Variants in FBXL2 observed in about 807,000 individuals in gnomAD.
FBXL2 encodes F-box and leucine rich repeat protein 2, also known as F-box/LRR-repeat protein 2.
FBXL2 carries 38 observed loss-of-function variants against 69.2 expected under a neutral mutation model. The observed-to-expected ratio is 0.55, with a 90% CI of 0.42 to 0.72. The LOEUF (loss-of-function observed/expected upper bound fraction) is 0.72, where lower values mean the gene tolerates loss of function less well. Among genes scored for constraint, FBXL2 ranks in the 30% least tolerant of loss-of-function variants. FBXL2 has a pLI of 0.00. For synonymous variants in FBXL2, 192 were observed against 201.3 expected (o/e 0.95, Z 0.39); for missense variants, 354 against 520.3 (o/e 0.68, Z 3.11).
chr3:33,340,635 T>C (rs2039945968), intron 2 of FBXL2, among the ~76,000 whole-genome samples: 1 of 146,866 alleles, frequency 6.8e-6, no homozygotes, highest in Non-Finnish European at 1.5e-5. Flanking sequence ...CTCATGTCTG[T>C]AATCCTACCA....
chr3:33,286,004 A>T (rs558179327), intron 1 of FBXL2, among the ~76,000 whole-genome samples: 1 of 152,262 alleles, frequency 6.6e-6, no homozygotes, highest in Non-Finnish European at 1.5e-5. Flanking sequence ...AGCTTGGAGA[A>T]GTTTGTTATT....
intron 2 of FBXL2, among the ~76,000 whole-genome samples, chr3:33,327,374 A>G (rs181487558): frequency 6.6e-6 from 1 of 152,116 alleles, no homozygotes; most frequent in Admixed American, 6.5e-5. Flanking sequence ...TCTTTCCTCT[A>G]TACGTTATTG....
At chr3:33,315,323 A>T (rs1430633765) in intron 2 of FBXL2, among the ~76,000 whole-genome samples, 14 of 92,092 alleles carry the variant, frequency 1.5e-4, no homozygotes, top group South Asian at 6.4e-4. Context: ...TCTCTCTCTT[A>T]CTTTCTTTCT....
At chr3:33,341,927 A>G (rs978967672) in intron 2 of FBXL2, among the ~76,000 whole-genome samples, 1 of 150,800 alleles carries the variant, frequency 6.6e-6, no homozygotes, top group African/African-American at 2.4e-5. Flanking sequence ...AGGTGTTATA[A>G]TAAGATGTTT....
intron 12 of FBXL2, chr3:33,397,023 A>G (rs774829183): frequency 1.3e-6 from 2 of 1,577,518 alleles, no homozygotes; most frequent in East Asian, 4.5e-5. Flanking sequence ...TATTTCAAGC[A>G]AAACAGTTCA....
downstream of FBXL2, chr3:33,389,980 T>C (rs753395533): frequency 7.1e-4 from 160 of 225,966 alleles, no homozygotes; most frequent in Non-Finnish European, 1.2e-3. Flanking sequence ...CCACAGTAAG[T>C]TTCTACATTC....
intron 12 of FBXL2, chr3:33,401,029 G>C: frequency 6.3e-7 from 1 of 1,582,122 alleles, no homozygotes; most frequent in South Asian, 1.2e-5. Context: ...GGGGAGAAAG[G>C]AGAAAGAAGG....
At chr3:33,307,521 T>G (rs946943147) in intron 2 of FBXL2, among the ~76,000 whole-genome samples, 1 of 152,114 alleles carries the variant, frequency 6.6e-6, no homozygotes, top group Non-Finnish European at 1.5e-5. Context: ...AGATTTTGAA[T>G]AATATCTGTA....
At chr3:33,301,182 G>A (rs1193939798) in intron 2 of FBXL2, among the ~76,000 whole-genome samples, 7 of 151,986 alleles carry the variant, frequency 4.6e-5, no homozygotes, top group African/African-American at 7.3e-5. Flanking sequence ...GTCTACCCTT[G>A]GCTTATATTT....
intron 2 of FBXL2, among the ~76,000 whole-genome samples, chr3:33,339,568 G>T (rs1233233892): frequency 1.3e-5 from 2 of 152,134 alleles, no homozygotes; most frequent in Admixed American, 1.3e-4. Context: ...GGTAAGAGGA[G>T]GGTGAGGACT....
At chr3:33,372,199 G>A (rs2042343862) in intron 5 of FBXL2, 1 of 152,572 alleles carries the variant, frequency 6.6e-6, no homozygotes, top group Admixed American at 6.6e-5. Context: ...CAAAGTGCTG[G>A]GATTACAGGC....
Position 33,386,584 on chromosome 3 carries a change from C to CCT in FBXL2, c.*977_*978dup, listed in dbSNP as rs2043450146. The CCT allele has an allele frequency of 6.6e-6, 1 of 151,290 alleles. No homozygotes were observed. Among genetic ancestry groups the CCT allele is most frequent in the Non-Finnish European group, 1.5e-5 (1 of 67,884 alleles). 9.4% of individuals were successfully genotyped at this position (151,290 alleles called of 1,614,324 possible). The stretch of plus-strand genomic sequence containing the variant: ...AAACTCAGATCAGTAAGTGTTGGTA[C>CCT]CTTTTAGACTCATAAAATTGAATAA... On this transcript the variant is annotated 3_prime_UTR_variant, in exon 15 of 15. Transcript: ENST00000484457.
At chr3:33,294,069 A>G (rs2035511094) in intron 1 of FBXL2, among the ~76,000 whole-genome samples, 1 of 152,186 alleles carries the variant, frequency 6.6e-6, no homozygotes, top group South Asian at 2.1e-4. Flanking sequence ...AATAGAAGGA[A>G]AACTGGAAAA....
In FBXL2 at chr3:33,293,867, A is replaced by G. The variant is rs72862391; in HGVS notation, c.4-3797A>G. ...AAGTCTTGAACAACACTATAAGTCA[A>G]TGAAACCTGACAGAGTTATGTAGAA... On this transcript the variant is annotated intron_variant, in intron 1 of 14. Transcript: ENST00000484457. Among the ~76,000 whole-genome samples, 517 of 152,330 alleles carry G rather than the reference A, an allele frequency of 3.4e-3. 2 individuals carry two copies. The highest frequency in any genetic ancestry group is 0.012 in the African/African-American group (494 of 41,570).
chr3:33,324,145 G>A lies in FBXL2; in HGVS notation c.65+26420G>A, dbSNP rs1487452157. Among the ~76,000 whole-genome samples the A allele has an allele frequency of 4.6e-4, 67 of 145,166 alleles. 1 individual carries two copies. The highest frequency in any genetic ancestry group is 1.4e-3 in the African/African-American group (59 of 40,782). ...TGTTCATATCCTTTGCCCACTTTTT[G>A]ATGGATTTTTTTTTTCTTGTAAATT... On this transcript the variant is annotated intron_variant, in intron 2 of 14. Transcript: ENST00000484457.
chr3:33,408,784 G>C, the FBXL2 span: 2 of 1,613,632 alleles, frequency 1.2e-6, no homozygotes, highest in Non-Finnish European at 1.7e-6. Flanking sequence ...TTCAATTATA[G>C]GCTCAAGCCT....
At chr3:33,306,061 T>C (rs1400941588) in intron 2 of FBXL2, among the ~76,000 whole-genome samples, 1 of 152,008 alleles carries the variant, frequency 6.6e-6, no homozygotes, top group Non-Finnish European at 1.5e-5. Context: ...AATTTTTTCT[T>C]TGCGTTTTAT....
chr3:33,373,165 G>A lies in FBXL2; in HGVS notation c.359+5G>A, dbSNP rs752897895. 6.6e-5 allele frequency: 107 copies of A among 1,613,748 alleles called. No homozygotes were observed. The highest frequency in any genetic ancestry group is 8.3e-5 in the Non-Finnish European group (98 of 1,179,692). ...ATGCACAAAAATCACTGACAGGTAA[G>A]TAATGAAGATTAATTGGTGACCAAA... On this transcript the variant is annotated splice_donor_5th_base_variant and intron_variant, in intron 6 of 14. Coordinates refer to ENST00000484457, the MANE Select transcript of FBXL2 (RefSeq NM_012157.5).
chr3:33,279,014 A>G (rs769110412), intron 1 of FBXL2, among the ~76,000 whole-genome samples: 39 of 152,212 alleles, frequency 2.6e-4, no homozygotes, highest in Admixed American at 1.6e-3. Flanking sequence ...TCTGACCCAC[A>G]GCCCACCCTC....
Sources: allele counts gnomAD v4.1 joint callset (sites outside exome capture counted in the v4.1 genomes callset), GRCh38; gene constraint gnomAD v4.1.1; transcripts MANE v1.5; gene names NCBI Gene and HGNC (gene_info 2026-07-23, HGNC 2026-07-21).